The following DHX30 variants were observed in gnomAD, a reference collection of about 807,000 sequenced individuals.
DHX30 encodes the protein DExH-box helicase 30, also known as ATP-dependent RNA helicase DHX30.
A neutral mutation model predicts 116.9 loss-of-function variants in DHX30; 4 were observed. The observed-to-expected ratio is 0.03, with a 90% CI of 0.02 to 0.08. DHX30 has a LOEUF of 0.08. Ranked by LOEUF, DHX30 falls within the 10% of genes least tolerant of loss-of-function variation. The pLI is 1.00. For synonymous variants in DHX30, 697 were observed against 651.7 expected, an observed-to-expected ratio of 1.07 and a Z score of -1.06; for missense variants, 871 against 1,595.1, an observed-to-expected ratio of 0.55 and a Z score of 7.73.
intron 3 of DHX30, among the ~76,000 whole-genome samples, chr3:47,811,525 T>C (rs367701113): frequency 1.3e-5 from 2 of 152,080 alleles, no homozygotes; most frequent in East Asian, 3.9e-4. Context: ...TTGGATTGAG[T>C]CTGTATTAGG....
chr3:47,803,257 G>A (rs893022061), intron 1 of DHX30, 45 bp downstream of exon 1: 3 of 391,634 alleles, frequency 7.7e-6, no homozygotes, highest in African/African-American at 2.1e-5. Flanking sequence ...CTCTTGAGGA[G>A]CCTGCCGCGG....
chr3:47,844,305 T>C (rs1331889103), intron 9 of DHX30, among the ~76,000 whole-genome samples: 5 of 152,198 alleles, frequency 3.3e-5, no homozygotes, highest in Admixed American at 6.5e-5. Flanking sequence ...GGCACAGATA[T>C]GCTACCTGTG....
chr3:47,834,989 C>G (rs1258257103), intron 6 of DHX30, among the ~76,000 whole-genome samples: 2 of 151,704 alleles, frequency 1.3e-5, no homozygotes, highest in Non-Finnish European at 2.9e-5. Flanking sequence ...TTTTGAGGAA[C>G]TTCTTTATTT....
chr3:47,807,164 C>A (rs1252400146), intron 2 of DHX30, among the ~76,000 whole-genome samples: 2 of 151,594 alleles, frequency 1.3e-5, no homozygotes, highest in Non-Finnish European at 2.9e-5. Flanking sequence ...AGAGATCATG[C>A]CATTGCACTC....
intron 6 of DHX30, among the ~76,000 whole-genome samples, chr3:47,834,620 C>G (rs530141038): frequency 2.0e-5 from 3 of 152,180 alleles, no homozygotes; most frequent in African/African-American, 7.2e-5. Context: ...CAGGTGTGCG[C>G]CACCACACCT....
intron 4 of DHX30, among the ~76,000 whole-genome samples, chr3:47,826,322 C>CA (rs1189196240): frequency 6.6e-6 from 1 of 151,906 alleles, no homozygotes; most frequent in Admixed American, 6.6e-5. Flanking sequence ...GAGATTAATC[C>CA]AAAAAACAAG....
At position 47,818,158 on chromosome 3, in the gene DHX30, G is replaced by A. The variant is rs1293176016; in HGVS notation, c.124+41G>A. On this transcript the variant is annotated intron_variant, in intron 4 of 21. Coordinates refer to ENST00000445061, the MANE Select transcript of DHX30 (RefSeq NM_138615.3). ...TGCCTCCAGCAACAGCTTGGTCCAG[G>A]GTCTGTGGGGAGGTGGGTGGCAATG... The A allele has an allele frequency of 3.9e-6, 3 of 765,636 alleles. No homozygotes were observed. The South Asian group carries it at 4.1e-5, about 10-fold the overall frequency. 47.4% of individuals were successfully genotyped at this position (765,636 alleles called of 1,614,324 possible).
At chr3:47,803,753 G>A (rs1371811338) in intron 1 of DHX30, among the ~76,000 whole-genome samples, 2 of 152,198 alleles carry the variant, frequency 1.3e-5, no homozygotes, top group African/African-American at 2.4e-5. Context: ...TTGTTTGCTG[G>A]TGGTAACTTG....
At chr3:47,835,098 G>A (rs368710903) in intron 6 of DHX30, among the ~76,000 whole-genome samples, 1 of 151,818 alleles carries the variant, frequency 6.6e-6, no homozygotes. Flanking sequence ...CTGCCTCCTG[G>A]GTTCAAGCAA....
Position 47,810,644 on chromosome 3 carries a change from T to C in DHX30, c.-27-13T>C. The C allele has an allele frequency of 6.2e-7, 1 of 1,612,514 alleles. No homozygotes were observed. The highest frequency in any genetic ancestry group is 1.1e-5 in the South Asian group (1 of 91,030). On this transcript the variant is annotated splice_polypyrimidine_tract_variant and intron_variant, in intron 2 of 21. Coordinates refer to ENST00000445061, the MANE Select transcript of DHX30 (RefSeq NM_138615.3). The stretch of plus-strand genomic sequence containing the variant: ...AATATTAACCATTGCCTCTTGGCCC[T>C]CCTTGTTCTCAGGATTCCAGCTTTC...
chr3:47,841,186 T>G lies in DHX30; in HGVS notation c.668+8T>G. On this transcript the variant is annotated splice_region_variant and intron_variant, in intron 7 of 21. Coordinates refer to ENST00000445061, the MANE Select transcript of DHX30 (RefSeq NM_138615.3). ...TCCACTCAGGGACTCAAGGTACAGA[T>G]GGAGGATGGGGATGCAGCAGAGGCT... is the stretch of plus-strand genomic sequence containing the variant. The G allele has an allele frequency of 6.2e-7, 1 of 1,612,858 alleles. No homozygotes were observed. Among genetic ancestry groups the G allele is most frequent in the Non-Finnish European group, 8.5e-7 (1 of 1,179,860 alleles).
rs1042154598 is a variant in DHX30, at chr3:47,806,613, T to C, written c.-28+1193T>C. 5.9e-5 allele frequency among the ~76,000 whole-genome samples: 9 copies of C among 151,398 alleles called. No homozygotes were observed. The East Asian group carries it at 1.8e-3, about 30-fold the overall frequency. On this transcript the variant is annotated intron_variant, in intron 2 of 21. Transcript: ENST00000445061. ...GGCGTGCACCACCACGCCTGGCTAA[T>C]TTTTTGTATTTTTAGTGAAGATGGG...
chr3:47,807,703 CAAAAAAAAAAAAA>C (rs1202083372), intron 2 of DHX30, among the ~76,000 whole-genome samples: 2 of 32,732 alleles, frequency 6.1e-5, no homozygotes, highest in Non-Finnish European at 1.1e-4. Context: ...GACTCTGTCT[CAAAAAAAAAAAAA>C]AAAAAAAAAA....
intron 4 of DHX30, 21 bp from the exon 5 acceptor site, chr3:47,827,326 C>A (rs1275538835): frequency 6.3e-7 from 1 of 1,595,582 alleles, no homozygotes; most frequent in Admixed American, 1.8e-5. Context: ...AACTGTAATG[C>A]TTTTGTTCTT....
intron 6 of DHX30, among the ~76,000 whole-genome samples, chr3:47,837,616 C>G (rs1029861403): frequency 2.6e-5 from 4 of 152,134 alleles, no homozygotes; most frequent in Non-Finnish European, 4.4e-5. Context: ...CAAAAATTAG[C>G]CGGGCCTGGT....
chr3:47,823,250 G>A (rs2036378637), intron 4 of DHX30, among the ~76,000 whole-genome samples: 1 of 151,938 alleles, frequency 6.6e-6, no homozygotes, highest in South Asian at 2.1e-4. Flanking sequence ...ATGACACATG[G>A]GAATTATGGG....
At chr3:47,841,232 A>T (rs1576508852) in intron 7 of DHX30, 54 bp downstream of exon 7, 7 of 1,591,494 alleles carry the variant, frequency 4.4e-6, no homozygotes, top group African/African-American at 1.3e-5. Flanking sequence ...TGACACGGGG[A>T]TGGGCGAATG....
At chr3:47,817,537 G>A (rs1172609233) in intron 3 of DHX30, among the ~76,000 whole-genome samples, 1 of 152,198 alleles carries the variant, frequency 6.6e-6, no homozygotes, top group Non-Finnish European at 1.5e-5. Context: ...ACATAGTCCA[G>A]TCGTCCCTCT....
intron 3 of DHX30, among the ~76,000 whole-genome samples, chr3:47,813,941 T>C (rs1386440714): frequency 2.4e-5 from 3 of 125,432 alleles, no homozygotes; most frequent in Non-Finnish European, 4.8e-5. Flanking sequence ...AGGAAAAAAC[T>C]GAACTTGAGA....
Sources: gnomAD v4.1 joint callset for allele counts (sites outside exome capture counted in the v4.1 genomes callset) on GRCh38, gnomAD v4.1.1 for gene constraint, MANE v1.5 for transcripts, NCBI Gene and HGNC (gene_info 2026-07-23, HGNC 2026-07-21) for gene names.